Variants in ADAMTS19 observed in about 807,000 individuals in gnomAD.
ADAMTS19 encodes the protein A disintegrin and metalloproteinase with thrombospondin motifs 19.
In ADAMTS19, 93 loss-of-function variants were observed where a neutral mutation model predicts 153.3. The ratio of observed to expected loss-of-function variants is 0.61; its 90% CI spans 0.51 to 0.72. ADAMTS19 has a LOEUF of 0.72. Ranked by LOEUF, ADAMTS19 falls within the 30% of genes least tolerant of loss-of-function variation. ADAMTS19 has a pLI of 0.00. For missense variants in ADAMTS19, 1,482 were observed against 1,552.1 expected (o/e 0.95, Z 0.76); for synonymous variants, 600 against 556.6 (o/e 1.08, Z -1.10).
At chr5:129,622,473 T>C in intron 10 of ADAMTS19, 125 bp downstream of exon 10, 2 of 1,111,238 alleles carry the variant, frequency 1.8e-6, no homozygotes, top group Non-Finnish European at 2.5e-6. Context: ...AGAAGGATTT[T>C]CTAAGAAAAG....
chr5:129,658,331 A>G (rs1433799328), intron 14 of ADAMTS19, among the ~76,000 whole-genome samples: 1,338 of 93,106 alleles, frequency 0.014, 57 homozygotes, highest in African/African-American at 0.059. Context: ...GAAAGAAAGA[A>G]AGAAAGAAAG....
At chr5:129,482,961 A>T (rs80346252) in intron 2 of ADAMTS19, among the ~76,000 whole-genome samples, 3,699 of 152,264 alleles carry the variant, frequency 0.024, 151 homozygotes, top group African/African-American at 0.084. Context: ...TTCACATACA[A>T]AATTTTGCTC....
Position 129,622,268 on chromosome 5 carries a change from C to T in ADAMTS19, c.1690C>T (p.Leu564=). 2 of 1,614,146 alleles carry T rather than the reference C, an allele frequency of 1.2e-6. No homozygotes were observed. The highest frequency in any genetic ancestry group is 1.7e-6 in the Non-Finnish European group (2 of 1,180,016). ...CAATTCTGTGATGGTTCCCTCCAAGCTGCCAGGGATGACATACACTGCTGA... is the reference window on the plus strand; with the variant it reads ...CAATTCTGTGATGGTTCCCTCCAAGTTGCCAGGGATGACATACACTGCTGA... ...SVNSVMVPSK[L]PGMTYTADEQ... is the part of the protein sequence containing the mutation. Residue 564 remains leucine (L), a synonymous_variant, in exon 10 of 23, where the codon CTG becomes TTG. Transcript: ENST00000274487.
chr5:129,662,835 G>T (rs983205393), intron 15 of ADAMTS19, among the ~76,000 whole-genome samples: 8 of 151,072 alleles, frequency 5.3e-5, no homozygotes, highest in Non-Finnish European at 1.0e-4. Flanking sequence ...CTCATCCATA[G>T]GGTCCCACTT....
At chr5:129,526,686 T>C (rs536991988) in intron 4 of ADAMTS19, among the ~76,000 whole-genome samples, 1 of 151,974 alleles carries the variant, frequency 6.6e-6, no homozygotes, top group Admixed American at 6.6e-5. Context: ...GCAAAGCTCT[T>C]TCTATGTTAC....
intron 13 of ADAMTS19, among the ~76,000 whole-genome samples, chr5:129,650,900 C>A (rs560743869): frequency 6.6e-6 from 1 of 152,114 alleles, no homozygotes; most frequent in Non-Finnish European, 1.5e-5. Flanking sequence ...CTGGATTCCA[C>A]CAACACAAGT....
chr5:129,643,986 G>GT (rs1554101985), intron 11 of ADAMTS19, among the ~76,000 whole-genome samples: 1 of 149,642 alleles, frequency 6.7e-6, no homozygotes, highest in African/African-American at 2.5e-5. Flanking sequence ...TTTGTCTTTA[G>GT]TTTTTTAGCA....
intron 22 of ADAMTS19, 128 bp downstream of exon 22, chr5:129,735,237 T>C: frequency 1.1e-6 from 1 of 942,954 alleles, no homozygotes; most frequent in Non-Finnish European, 1.4e-6. Flanking sequence ...TGCACTAAAT[T>C]GGATCCATTT....
intron 16 of ADAMTS19, among the ~76,000 whole-genome samples, chr5:129,676,063 C>G (rs181286791): frequency 6.6e-6 from 1 of 151,916 alleles, no homozygotes; most frequent in African/African-American, 2.4e-5. Flanking sequence ...AAAAAAAAGC[C>G]TTGGTCTACA....
intron 10 of ADAMTS19, among the ~76,000 whole-genome samples, chr5:129,624,965 C>T (rs1751956902): frequency 6.6e-6 from 1 of 151,984 alleles, no homozygotes; most frequent in African/African-American, 2.4e-5. Context: ...AGGTATTTCT[C>T]CTAATGCTGT....
rs558028162 is a variant in ADAMTS19 at position 129,506,194 on chromosome 5, CCAGT to C, written c.748-2882_748-2879del. 7.2e-3 allele frequency among the ~76,000 whole-genome samples: 1,094 copies of C among 152,184 alleles called. 5 individuals carry two copies. Among genetic ancestry groups the C allele is most frequent in the Middle Eastern group, 0.054 (16 of 294 alleles). On this transcript the variant is annotated intron_variant, in intron 2 of 22. Transcript: ENST00000274487. The stretch of plus-strand genomic sequence containing the variant: ...TCCTATAATTCTGCTTTAATATGAG[CCAGT>C]ATCTTGAATGACACATATTCATGCT...
chr5:129,636,385 A>C (rs1752535081), intron 10 of ADAMTS19, among the ~76,000 whole-genome samples: 1 of 152,202 alleles, frequency 6.6e-6, no homozygotes, highest in Non-Finnish European at 1.5e-5. Flanking sequence ...TTCTTTAAAA[A>C]TTTAAAATAG....
rs1321426831 is a variant in ADAMTS19 at position 129,493,518 on chromosome 5, A to T, written c.748-15559A>T. Among the ~76,000 whole-genome samples, 7 of 151,962 alleles carry T rather than the reference A, an allele frequency of 4.6e-5. No homozygotes were observed. The South Asian group carries it at 6.2e-4, about 14-fold the overall frequency. ...CAACTAAGATGCTTTGTAATTTTTT[A>T]AAAAAGTAACTGTTTAATCACATAG... On this transcript the variant is annotated intron_variant, in intron 2 of 22. Coordinates refer to ENST00000274487, the MANE Select transcript of ADAMTS19 (RefSeq NM_133638.6).
intron 21 of ADAMTS19, among the ~76,000 whole-genome samples, chr5:129,719,957 T>C (rs1756908631): frequency 6.6e-6 from 1 of 152,002 alleles, no homozygotes; most frequent in Non-Finnish European, 1.5e-5. Flanking sequence ...GGAGAATCAC[T>C]TGAACCTGGG....
intron 6 of ADAMTS19, among the ~76,000 whole-genome samples, chr5:129,545,589 A>G (rs2126807912): frequency 6.6e-6 from 1 of 152,280 alleles, no homozygotes; most frequent in East Asian, 1.9e-4. Context: ...ATGAACAGAC[A>G]CTTCTCAAAA....
Position 129,634,106 on chromosome 5 carries a change from C to A in ADAMTS19, c.1771-7753C>A, listed in dbSNP as rs1242693121. Among the ~76,000 whole-genome samples the A allele has an allele frequency of 3.9e-4, 59 of 152,244 alleles. 1 individual carries two copies. Among genetic ancestry groups the A allele is most frequent in the Non-Finnish European group, 1.9e-4 (13 of 68,006 alleles). On this transcript the variant is annotated intron_variant, in intron 10 of 22. Coordinates refer to ENST00000274487, the MANE Select transcript of ADAMTS19 (RefSeq NM_133638.6). ...GTGGGCATCTATCAGGTTAAAGCTG[C>A]AAAGATGATGAACTAACCTTGTGCC...
At chr5:129,462,528 G>A (rs1455845488) in intron 2 of ADAMTS19, among the ~76,000 whole-genome samples, 3 of 151,904 alleles carry the variant, frequency 2.0e-5, no homozygotes, top group African/African-American at 7.3e-5. Flanking sequence ...CTCTGTCAAT[G>A]TAGAACATCA....
intron 8 of ADAMTS19, among the ~76,000 whole-genome samples, chr5:129,599,230 A>G (rs1199009206): frequency 6.6e-6 from 1 of 152,144 alleles, no homozygotes; most frequent in Non-Finnish European, 1.5e-5. Context: ...ATTGAAAGGT[A>G]TTTTCAGTTT....
At position 129,654,455 on chromosome 5, in the gene ADAMTS19, A is replaced by C. The variant is rs771614553; in HGVS notation, c.2304+22A>C. ...CCAGGTAAGACATTCCAAAAAAAAA[A>C]AGAATTTATATGTTGAAGGAAAATT... On this transcript the variant is annotated intron_variant, in intron 14 of 22. Transcript: ENST00000274487. 3 of 1,597,594 alleles carry C rather than the reference A, an allele frequency of 1.9e-6. No individual in the cohort carries two copies. The South Asian group carries it at 3.4e-5, about 18-fold the overall frequency.
Sources: allele counts gnomAD v4.1 joint callset (sites outside exome capture counted in the v4.1 genomes callset), GRCh38; gene constraint gnomAD v4.1.1; transcripts MANE v1.5; gene names NCBI Gene and HGNC (gene_info 2026-07-23, HGNC 2026-07-21).